The following PDE1C variants were observed in gnomAD, a reference collection of about 807,000 sequenced individuals.
PDE1C encodes the protein dual specificity calcium/calmodulin-dependent 3',5'-cyclic nucleotide phosphodiesterase 1C.
In PDE1C, 62 loss-of-function variants were observed where a neutral mutation model predicts 93.1. That is an observed-to-expected ratio of 0.67 (90% CI 0.54 to 0.82). The LOEUF (loss-of-function observed/expected upper bound fraction) is 0.82, where lower values mean the gene tolerates loss of function less well. Ranked by LOEUF, PDE1C falls within the 40% of genes least tolerant of loss-of-function variation. PDE1C has a pLI of 0.00. For synonymous variants in PDE1C, 325 were observed against 310.1 expected, an observed-to-expected ratio of 1.05 and a Z score of -0.50; for missense variants, 742 against 884.6, an observed-to-expected ratio of 0.84 and a Z score of 2.04.
chr7:31,733,152 C>T, the PDE1C span, among the ~76,000 whole-genome samples: 1 of 152,198 alleles, frequency 6.6e-6, no homozygotes, highest in Admixed American at 6.5e-5. Flanking sequence ...TAGGTTGTTA[C>T]CTCTCAAATG....
intron 2 of PDE1C, among the ~76,000 whole-genome samples, chr7:31,997,470 C>T (rs532560418): frequency 6.6e-4 from 100 of 152,244 alleles, no homozygotes; most frequent in South Asian, 2.5e-3. Context: ...CCACAGAAAG[C>T]GTAGATACTA....
chr7:31,963,925 T>C (rs1448388761), intron 2 of PDE1C, among the ~76,000 whole-genome samples: 1 of 152,224 alleles, frequency 6.6e-6, no homozygotes, highest in African/African-American at 2.4e-5. Context: ...AAATACTAAA[T>C]CATGAAGCAT....
At position 32,147,104 on chromosome 7, in the gene PDE1C, T is replaced by TTTCA. The variant is rs1800885849; in HGVS notation, c.308+22680_308+22681insTGAA. 2.6e-5 allele frequency among the ~76,000 whole-genome samples: 4 copies of TTTCA among 151,282 alleles called. No homozygotes were observed. The South Asian group carries it at 8.5e-4, about 32-fold the overall frequency. On this transcript the variant is annotated intron_variant, in intron 3 of 18. Transcript: ENST00000396193. ...ATATTCACATAATGGAATACTCTGG[T>TTTCA]GTCTTTTAAAAGGATGAAGTAAATC...
rs935124179 is a variant in PDE1C at position 31,878,877 on chromosome 7, C to T, written c.425+119G>A. 6 of 961,788 alleles carry T rather than the reference C, an allele frequency of 6.2e-6. No individual in the cohort carries two copies. The South Asian group carries it at 6.6e-5, about 11-fold the overall frequency. The allele number at this position is 961,788 out of a possible 1,614,324, so 59.6% of individuals were successfully genotyped here. A position where few individuals can be genotyped will look rare whatever the true frequency, so the allele number is the denominator to read the frequency against. ...TCTCATTCAAGACTATCTGTTTCTACCCACAATTTTCAGTATTTATAAAGA... is the reference window on the plus strand; with the variant it reads ...TCTCATTCAAGACTATCTGTTTCTATCCACAATTTTCAGTATTTATAAAGA... On this transcript the variant is annotated intron_variant, in intron 4 of 17. Coordinates refer to ENST00000396191, the MANE Select transcript of PDE1C (RefSeq NM_001191057.4).
chr7:32,103,477 T>C (rs1443595539), intron 3 of PDE1C, among the ~76,000 whole-genome samples: 1 of 152,120 alleles, frequency 6.6e-6, no homozygotes, highest in African/African-American at 2.4e-5. Flanking sequence ...TATGCCCAGG[T>C]AGCAGACTAA....
the PDE1C span, among the ~76,000 whole-genome samples, chr7:31,705,020 C>A: frequency 6.6e-6 from 1 of 152,162 alleles, no homozygotes; most frequent in African/African-American, 2.4e-5. Flanking sequence ...TTTCTATGAG[C>A]TACCACATAT....
At chr7:31,621,546 A>C in the PDE1C span, among the ~76,000 whole-genome samples, 1 of 148,112 alleles carries the variant, frequency 6.8e-6, no homozygotes, top group Non-Finnish European at 1.5e-5. Context: ...CTTTGCAGAC[A>C]AGCAAATGCT....
chr7:32,417,430 G>A (rs1785297695), intron 1 of PDE1C, among the ~76,000 whole-genome samples: 1 of 152,086 alleles, frequency 6.6e-6, no homozygotes, highest in East Asian at 1.9e-4. Flanking sequence ...CATGCTGAGA[G>A]CTTTGCATTA....
intron 2 of PDE1C, among the ~76,000 whole-genome samples, chr7:32,033,255 G>A (rs149271642): frequency 6.6e-6 from 1 of 152,128 alleles, no homozygotes; most frequent in African/African-American, 2.4e-5. Flanking sequence ...AGATGAATGG[G>A]CTCAAAGAAA....
At chr7:31,975,180 C>T (rs57432493) in intron 2 of PDE1C, among the ~76,000 whole-genome samples, 5,864 of 152,220 alleles carry the variant, frequency 0.039, 389 homozygotes, top group African/African-American at 0.14. Context: ...GCCTAGAAGT[C>T]TTCCTCCCCA....
chr7:32,423,184 G>T (rs1237426629), intron 1 of PDE1C, among the ~76,000 whole-genome samples: 1 of 152,120 alleles, frequency 6.6e-6, no homozygotes, highest in Non-Finnish European at 1.5e-5. Flanking sequence ...GGACCAGCCT[G>T]GGCAACATAG....
chr7:32,036,035 G>A lies in PDE1C; in HGVS notation c.128+15519C>T, dbSNP rs560264665. Among the ~76,000 whole-genome samples, 6 of 152,300 alleles carry A rather than the reference G, an allele frequency of 3.9e-5. No individual in the cohort carries two copies. The East Asian group carries it at 9.7e-4, about 25-fold the overall frequency. ...CAGAGAAAATTCAGCCAACATAGCA[G>A]TGGAATCATGCTCTTTAAGTGTCAG... On this transcript the variant is annotated intron_variant, in intron 2 of 17. Coordinates refer to ENST00000396191, the MANE Select transcript of PDE1C (RefSeq NM_001191057.4).
At chr7:31,655,267 T>A in the PDE1C span, among the ~76,000 whole-genome samples, 1 of 152,198 alleles carries the variant, frequency 6.6e-6, no homozygotes, top group East Asian at 1.9e-4. Flanking sequence ...AGTGCCACAG[T>A]GTGCATGGTC....
intron 17 of PDE1C, among the ~76,000 whole-genome samples, chr7:31,765,815 C>T (rs1403488281): frequency 6.6e-6 from 1 of 152,162 alleles, no homozygotes; most frequent in Non-Finnish European, 1.5e-5. Context: ...ATCTCACTCC[C>T]AGGCAGAATA....
At chr7:32,301,066 C>T (rs1038711858), upstream of PDE1C, among the ~76,000 whole-genome samples, 2 of 152,028 alleles carry the variant, frequency 1.3e-5, no homozygotes, top group African/African-American at 4.8e-5. Context: ...CTCGAACTCC[C>T]GAGCTCAAGT....
At chr7:32,088,119 G>A (rs1797232619) in intron 3 of PDE1C, among the ~76,000 whole-genome samples, 1 of 151,962 alleles carries the variant, frequency 6.6e-6, no homozygotes, top group South Asian at 2.1e-4. Context: ...TTCAATGATA[G>A]CCTACCTTCC....
chr7:31,692,984 C>T, the PDE1C span, among the ~76,000 whole-genome samples: 1 of 152,114 alleles, frequency 6.6e-6, no homozygotes, highest in African/African-American at 2.4e-5. Flanking sequence ...TGTTTCCTTT[C>T]CAGAACTGAC....
rs145654126 is a variant in PDE1C, at chr7:31,941,514, T to C, written c.129-60654A>G. ...ACCCTATCACCCCTACTACAGTTAT[T>C]GCTGCCAGAATTGAATCAAAGAGTG... On this transcript the variant is annotated intron_variant, in intron 2 of 17. Transcript: ENST00000396191. 4.9e-3 allele frequency: 766 copies of C among 154,798 alleles called. 7 individuals carry two copies. Among genetic ancestry groups the C allele is most frequent in the South Asian group, 0.032 (156 of 4,900 alleles). The allele number at this position is 154,798 out of a possible 1,614,324, so 9.6% of individuals were successfully genotyped here.
intron 2 of PDE1C, among the ~76,000 whole-genome samples, chr7:32,171,805 A>C (rs1802671055): frequency 6.7e-6 from 1 of 149,434 alleles, no homozygotes; most frequent in African/African-American, 2.5e-5. Context: ...ATTCCCTTGG[A>C]AATAGAGGGA....
Sources: gnomAD v4.1 joint callset for allele counts (sites outside exome capture counted in the v4.1 genomes callset) on GRCh38, gnomAD v4.1.1 for gene constraint, MANE v1.5 for transcripts, NCBI Gene and HGNC (gene_info 2026-07-23, HGNC 2026-07-21) for gene names.